Variants in TEAD1 observed in about 807,000 individuals in gnomAD.
TEAD1 encodes the protein transcriptional enhancer factor TEF-1.
Under a neutral mutation model 54.9 loss-of-function variants are expected in TEAD1, and 9 were observed. The ratio of observed to expected loss-of-function variants is 0.16; its 90% confidence interval spans 0.10 to 0.29. The LOEUF (loss-of-function observed/expected upper bound fraction) is 0.29. TEAD1 is among the 10% of genes least tolerant of loss of function. TEAD1 has a pLI of 1.00. For synonymous variants in TEAD1, 200 were observed against 187.8 expected (o/e 1.07, Z -0.53); for missense variants, 387 against 535.9 (o/e 0.72, Z 2.74).
At chr11:12,899,831 G>A (rs558998093) in intron 9 of TEAD1, among the ~76,000 whole-genome samples, 62 of 152,232 alleles carry the variant, frequency 4.1e-4, no homozygotes, top group African/African-American at 1.4e-3. Context: ...ACAGGAGAGG[G>A]ACCTGGCCCT....
intron 3 of TEAD1, among the ~76,000 whole-genome samples, chr11:12,795,683 G>A (rs144063607): frequency 2.5e-3 from 384 of 152,288 alleles, no homozygotes; most frequent in African/African-American, 8.8e-3. Context: ...AGCATCACCT[G>A]AGAGCTTTTT....
intron 3 of TEAD1, among the ~76,000 whole-genome samples, chr11:12,805,836 A>G (rs971494873): frequency 1.3e-5 from 2 of 152,238 alleles, no homozygotes; most frequent in Admixed American, 6.5e-5. Flanking sequence ...AGTTAGTTTT[A>G]CAGCTCCGTT....
At chr11:12,747,050 A>C (rs1370747625) in intron 2 of TEAD1, among the ~76,000 whole-genome samples, 3 of 152,222 alleles carry the variant, frequency 2.0e-5, no homozygotes, top group Admixed American at 2.0e-4. Context: ...TTTTGAGGCC[A>C]GTGAGTCTCT....
intron 3 of TEAD1, among the ~76,000 whole-genome samples, chr11:12,845,851 G>T (rs1947135331): frequency 6.6e-6 from 1 of 152,182 alleles, no homozygotes; most frequent in Admixed American, 6.6e-5. Context: ...TGTCCCAGGG[G>T]GCTGTGCCCC....
chr11:12,851,195 TAC>T (rs1232794007), intron 3 of TEAD1: 1 of 653,976 alleles, frequency 1.5e-6, no homozygotes, highest in African/African-American at 2.0e-5. Flanking sequence ...GTCATACATA[TAC>T]AGAGTAGAGA....
chr11:12,874,609 A>G (rs1022519595), intron 5 of TEAD1, among the ~76,000 whole-genome samples: 1 of 152,224 alleles, frequency 6.6e-6, no homozygotes, highest in African/African-American at 2.4e-5. Flanking sequence ...TGGACCATGT[A>G]GCAGAGGCAG....
At chr11:12,729,698 A>T (rs1283430402) in intron 2 of TEAD1, among the ~76,000 whole-genome samples, 2 of 152,216 alleles carry the variant, frequency 1.3e-5, no homozygotes, top group Admixed American at 1.3e-4. Context: ...GCCATGGTGT[A>T]GAATCATGAG....
Position 12,692,392 on chromosome 11 carries a change from C to T in TEAD1, c.-55+16831C>T, listed in dbSNP as rs567227002. Among the ~76,000 whole-genome samples, 4 of 152,266 alleles carry T rather than the reference C, an allele frequency of 2.6e-5. No individual in the cohort carries two copies. In the South Asian group the frequency reaches 6.2e-4, roughly 24 times the overall value. On this transcript the variant is annotated intron_variant, in intron 2 of 12. Coordinates refer to ENST00000527636, the MANE Select transcript of TEAD1 (RefSeq NM_021961.6). ...CAGTGCAGCCAACACAGTCTCATGA[C>T]GGCACAAGTGAATAGTCCTGAAATT...
At chr11:12,927,643 A>G (rs893303606) in intron 11 of TEAD1, among the ~76,000 whole-genome samples, 1 of 152,186 alleles carries the variant, frequency 6.6e-6, no homozygotes, top group East Asian at 1.9e-4. Flanking sequence ...GAAAAATTTT[A>G]TATTAAATAT....
At chr11:12,742,941 T>TGG (rs1944675316) in intron 2 of TEAD1, among the ~76,000 whole-genome samples, 1 of 152,172 alleles carries the variant, frequency 6.6e-6, no homozygotes, top group East Asian at 1.9e-4. Context: ...AATGGAGATG[T>TGG]GGGAGGGTAT....
At chr11:12,676,973 G>A (rs1943106736) in intron 2 of TEAD1, among the ~76,000 whole-genome samples, 1 of 151,906 alleles carries the variant, frequency 6.6e-6, no homozygotes, top group Admixed American at 6.6e-5. Flanking sequence ...AGTTTTAGGG[G>A]AATATTAGAA....
At chr11:12,682,726 G>A (rs1259576173) in intron 2 of TEAD1, among the ~76,000 whole-genome samples, 1 of 152,156 alleles carries the variant, frequency 6.6e-6, no homozygotes, top group Non-Finnish European at 1.5e-5. Flanking sequence ...CAGGGATTTA[G>A]TAATTAGGAA....
chr11:12,757,626 C>T (rs4757887), intron 2 of TEAD1, among the ~76,000 whole-genome samples: 3 of 152,192 alleles, frequency 2.0e-5, no homozygotes, highest in Admixed American at 1.3e-4. Context: ...CTCTGGGTCT[C>T]TTACTACTCA....
At chr11:12,834,002 A>G (rs1946832942) in intron 3 of TEAD1, among the ~76,000 whole-genome samples, 1 of 152,188 alleles carries the variant, frequency 6.6e-6, no homozygotes, top group Non-Finnish European at 1.5e-5. Context: ...ATAAATGTTT[A>G]TGGAATTGAG....
chr11:12,799,670 G>C (rs1417968955), intron 3 of TEAD1, among the ~76,000 whole-genome samples: 1 of 152,226 alleles, frequency 6.6e-6, no homozygotes, highest in African/African-American at 2.4e-5. Flanking sequence ...GAGAGGTTAA[G>C]AGACTGAACA....
chr11:12,835,072 A>G (rs1193349539), intron 3 of TEAD1, among the ~76,000 whole-genome samples: 1 of 152,196 alleles, frequency 6.6e-6, no homozygotes, highest in Non-Finnish European at 1.5e-5. Context: ...CATGGGGTTC[A>G]GAGCTTCTTG....
chr11:12,923,776 A>C (rs576079984), intron 10 of TEAD1, among the ~76,000 whole-genome samples: 1 of 152,326 alleles, frequency 6.6e-6, no homozygotes, highest in African/African-American at 2.4e-5. Flanking sequence ...AGCCCTACTT[A>C]TAGCAGCGTT....
chr11:12,904,007 C>A (rs1027113884), intron 10 of TEAD1, among the ~76,000 whole-genome samples: 9 of 152,060 alleles, frequency 5.9e-5, no homozygotes, highest in African/African-American at 2.2e-4. Flanking sequence ...CAAAATGTGG[C>A]CTGCGAACCC....
intron 2 of TEAD1, among the ~76,000 whole-genome samples, chr11:12,698,373 T>TG (rs1037218079): frequency 2.6e-5 from 4 of 151,924 alleles, no homozygotes; most frequent in Non-Finnish European, 5.9e-5. Context: ...GGAGGGCAGG[T>TG]GGGGTCTGGA....
Sources: allele counts gnomAD v4.1 joint callset (sites outside exome capture counted in the v4.1 genomes callset), GRCh38; gene constraint gnomAD v4.1.1; transcripts MANE v1.5; gene names NCBI Gene and HGNC (gene_info 2026-07-23, HGNC 2026-07-21).